PPP2R5C: variants seen among roughly 807,000 people sequenced by gnomAD.
PPP2R5C encodes the protein protein phosphatase 2 regulatory subunit B'gamma, also known as serine/threonine-protein phosphatase 2A 56 kDa regulatory subunit gamma isoform.
In PPP2R5C, 7 loss-of-function variants were observed where a neutral mutation model predicts 68.9. The observed-to-expected ratio is 0.10, with a 90% CI of 0.06 to 0.19. PPP2R5C has a LOEUF of 0.19. PPP2R5C is among the 10% of genes least tolerant of loss of function. The pLI is 1.00. For missense variants in PPP2R5C, 348 were observed against 641.3 expected, an observed-to-expected ratio of 0.54 and a Z score of 4.94; for synonymous variants, 210 against 222.2, an observed-to-expected ratio of 0.95 and a Z score of 0.49.
intron 1 of PPP2R5C, chr14:101,824,011 T>C: frequency 7.8e-7 from 1 of 1,289,186 alleles, no homozygotes; most frequent in South Asian, 1.2e-5. Flanking sequence ...ATTGTCTCAC[T>C]AGGCACAGTG....
rs756969955 is a variant in PPP2R5C at position 101,906,505 on chromosome 14, G to A, written c.1127G>A (p.Arg376His). 9 of 1,612,078 alleles carry A rather than the reference G, an allele frequency of 5.6e-6. No homozygotes were observed. Among genetic ancestry groups the A allele is most frequent in the Admixed American group, 3.4e-5 (2 of 59,502 alleles). The change falls in exon 10 of 14, where the codon CGC (arginine) becomes CAC (histidine). Residue 376 changes from arginine (R) to histidine (H), a missense_variant. By Grantham distance (29) the Arg-to-His change is conservative (BLOSUM62 0). Coordinates refer to ENST00000334743, the Ensembl canonical transcript of PPP2R5C. This position sits in a 1 kb window ranked among gnomAD's most constrained non-coding sequence, Gnocchi z 4.0. ...CCCATCATGTTTCCTTCCTTGTACC[G>A]CAACTCAAAGACCCATTGGAACAAG...
chr14:101,867,022 G>A (rs999828376), intron 2 of PPP2R5C, among the ~76,000 whole-genome samples: 1 of 152,160 alleles, frequency 6.6e-6, no homozygotes, highest in African/African-American at 2.4e-5. Flanking sequence ...TTCAAGAGCA[G>A]CCTGGCCAAC....
In PPP2R5C at chr14:101,906,540, A is replaced by G; in HGVS notation, c.1151+11A>G. 2 of 1,591,492 alleles carry G rather than the reference A, an allele frequency of 1.3e-6. No individual in the cohort carries two copies. Among genetic ancestry groups the G allele is most frequent in the Non-Finnish European group, 1.7e-6 (2 of 1,172,132 alleles). On this transcript the variant is annotated intron_variant, in intron 10 of 13. Coordinates refer to ENST00000334743, the Ensembl canonical transcript of PPP2R5C. The surrounding 1 kb of genome is among the most constrained non-coding windows in gnomAD (Gnocchi z 4.0). ...GACCCATTGGAACAAGTAAGAAAGA[A>G]CTGGCTGCCATCTTTTTCAGTCATT...
In PPP2R5C at chr14:101,795,751, G is replaced by T. The variant is rs1185235697; in HGVS notation, c.259+9568G>T. On this transcript the variant is annotated intron_variant, in intron 3 of 14. Coordinates refer to the PPP2R5C transcript ENST00000328724. The stretch of plus-strand genomic sequence containing the variant: ...CTTGAATTGTTTAAAATTGGCTTTT[G>T]AATACCAGTTAAATATTTTATATCT... 2.0e-5 allele frequency among the ~76,000 whole-genome samples: 3 copies of T among 152,184 alleles called. No individual in the cohort carries two copies. In the East Asian group the frequency reaches 5.8e-4, roughly 29 times the overall value.
chr14:101,852,105 C>T (rs1595375815), intron 1 of PPP2R5C, among the ~76,000 whole-genome samples: 1 of 152,216 alleles, frequency 6.6e-6, no homozygotes. Flanking sequence ...CCAGCACACA[C>T]CTCCACTGCG....
At chr14:101,810,092 G>A in intron 1 of PPP2R5C, 1 of 1,468,302 alleles carries the variant, frequency 6.8e-7, no homozygotes, top group Non-Finnish European at 9.5e-7. Flanking sequence ...TTAATAAATG[G>A]CTATTGTGCT....
chr14:101,842,901 CAG>C (rs1566896451), intron 1 of PPP2R5C, among the ~76,000 whole-genome samples: 1 of 151,618 alleles, frequency 6.6e-6, no homozygotes, highest in Non-Finnish European at 1.5e-5. Context: ...TAAAACCAAG[CAG>C]AGAGTGGAGT....
In PPP2R5C at chr14:101,924,465, A is replaced by G. The variant is rs373572664; in HGVS notation, c.1444-676A>G. Among the ~76,000 whole-genome samples the G allele has an allele frequency of 1.9e-3, 93 of 48,154 alleles. 1 individual carries two copies. Among genetic ancestry groups the G allele is most frequent in the African/African-American group, 6.9e-3 (85 of 12,296 alleles). 31.6% of individuals were successfully genotyped at this position (48,154 alleles called of 152,430 possible). On this transcript the variant is annotated intron_variant, in intron 13 of 13. Transcript: ENST00000334743. ...TACATCTTTTTTTTTTTTGAGATGG[A>G]GTCTGGAGGCCCTGTCACCCAGGCT...
At chr14:101,908,250 G>A (rs551440789) in intron 10 of PPP2R5C, among the ~76,000 whole-genome samples, 1 of 152,366 alleles carries the variant, frequency 6.6e-6, no homozygotes, top group South Asian at 2.1e-4. Context: ...TGTAGGGCCA[G>A]CAGCCATGCT....
chr14:101,815,700 C>T (rs780641905), intron 1 of PPP2R5C, among the ~76,000 whole-genome samples: 42 of 152,320 alleles, frequency 2.8e-4, no homozygotes, highest in Middle Eastern at 3.4e-3. Flanking sequence ...GTTGGAGTCT[C>T]GCTTTGTCAC....
chr14:101,866,076 A>T (rs2043046222), intron 2 of PPP2R5C, among the ~76,000 whole-genome samples: 1 of 152,080 alleles, frequency 6.6e-6, no homozygotes, highest in Non-Finnish European at 1.5e-5. Context: ...TGTATTTTTA[A>T]TAGAGACAGG....
chr14:101,914,148 CTT>C (rs1437815599), intron 12 of PPP2R5C: 3 of 454,814 alleles, frequency 6.6e-6, no homozygotes, highest in African/African-American at 6.0e-5. Context: ...TGGTTGCTCT[CTT>C]TGCAAACGTC....
chr14:101,869,025 G>C (rs2043243885), intron 2 of PPP2R5C, among the ~76,000 whole-genome samples: 1 of 152,144 alleles, frequency 6.6e-6, no homozygotes, highest in Non-Finnish European at 1.5e-5. Flanking sequence ...TGATTCTTCT[G>C]CCTCAGCCTC....
At chr14:101,925,798 A>G (rs1324551602) in exon 14 of PPP2R5C, 2 of 153,024 alleles carry the variant, frequency 1.3e-5, no homozygotes, top group African/African-American at 4.8e-5. Flanking sequence ...TTCTCACGCA[A>G]CGTACTGGGC....
rs1473766519 is a variant in PPP2R5C at position 101,888,602 on chromosome 14, GT to G, written c.630-1629del. 1.3e-5 allele frequency among the ~76,000 whole-genome samples: 2 copies of G among 151,090 alleles called. No homozygotes were observed. Among genetic ancestry groups the G allele is most frequent in the African/African-American group, 4.9e-5 (2 of 41,118 alleles). On this transcript the variant is annotated intron_variant, in intron 5 of 13. Transcript: ENST00000334743. This position sits in a 1 kb window ranked among gnomAD's most constrained non-coding sequence, Gnocchi z 5.6. Reference sequence around the variant, plus strand: ...GTGTTGTTTTGTTTTGTTTTGTTTTGTTTTTTGTTTTGAAACAGGGTCTCTG... The same window carrying G: ...GTGTTGTTTTGTTTTGTTTTGTTTTGTTTTTGTTTTGAAACAGGGTCTCTG...
intron 8 of PPP2R5C, among the ~76,000 whole-genome samples, chr14:101,901,160 A>G (rs1185450528): frequency 1.3e-5 from 2 of 152,250 alleles, no homozygotes; most frequent in Non-Finnish European, 2.9e-5. Context: ...CGTGGCCCAC[A>G]GTTTCAGTAC....
rs1473752997 is a variant in PPP2R5C, at chr14:101,781,183, C to G, written c.94-4835C>G. ...CGGGTGTCGGGGCTGCGGCAGGGTC[C>G]CCACCGGGCTGTCCACGAACCAGCG... On this transcript the variant is annotated intron_variant, in intron 2 of 14. Coordinates refer to the PPP2R5C transcript ENST00000328724. This position sits in a 1 kb window ranked among gnomAD's most constrained non-coding sequence, Gnocchi z 6.4. Among the ~76,000 whole-genome samples, 1 of 152,152 alleles carries G rather than the reference C, an allele frequency of 6.6e-6. No homozygotes were observed. The highest frequency in any genetic ancestry group is 1.5e-5 in the Non-Finnish European group (1 of 68,016).
At position 101,796,889 on chromosome 14, in the gene PPP2R5C, C is replaced by T. The variant is rs537394524; in HGVS notation, c.259+10706C>T. ...TTTCCTGAACTGCCCTGGCTCAAGC[C>T]GTCCTTATCTAAAAAAAAAAAATTT... On this transcript the variant is annotated intron_variant, in intron 3 of 14. Coordinates refer to the PPP2R5C transcript ENST00000328724. 3.1e-4 allele frequency: 94 copies of T among 302,858 alleles called. 3 individuals are homozygous for T. Among genetic ancestry groups the T allele is most frequent in the South Asian group, 2.4e-3 (84 of 34,456 alleles). The allele number at this position is 302,858 out of a possible 1,614,324, so 18.8% of individuals were successfully genotyped here.
rs141224507 is a variant in PPP2R5C at position 101,903,800 on chromosome 14, C to T, written c.1023+1911C>T. ...AAGTGATTCTCCTGCCTCGGCCTCC[C>T]GAGTAGATGGGATTACAGGTGCGTG... On this transcript the variant is annotated intron_variant, in intron 9 of 13. Coordinates refer to ENST00000334743, the Ensembl canonical transcript of PPP2R5C. Among the ~76,000 whole-genome samples the T allele has an allele frequency of 5.3e-3, 811 of 152,060 alleles. 12 individuals are homozygous for T. Among genetic ancestry groups the T allele is most frequent in the African/African-American group, 0.018 (763 of 41,472 alleles).
Sources: allele counts gnomAD v4.1 joint callset (sites outside exome capture counted in the v4.1 genomes callset), GRCh38; gene constraint gnomAD v4.1.1; non-coding constraint Gnocchi (gnomAD v3.1); transcripts MANE v1.5; gene names NCBI Gene and HGNC (gene_info 2026-07-23, HGNC 2026-07-21).